Variants in ITGA9 observed in about 807,000 individuals in gnomAD.
The protein encoded by ITGA9 is integrin subunit alpha 9.
Under a neutral mutation model 127.8 loss-of-function variants are expected in ITGA9, and 56 were observed. The ratio of observed to expected loss-of-function variants is 0.44; its 90% CI spans 0.35 to 0.55. ITGA9 has a LOEUF of 0.55. Among genes scored for constraint, ITGA9 ranks in the 20% least tolerant of loss-of-function variants. The probability of loss-of-function intolerance (pLI) is 0.00; values close to 1 mark genes in which losing one functional copy is unlikely to be tolerated. For synonymous variants in ITGA9, 508 were observed against 514.5 expected (o/e 0.99, Z 0.17); for missense variants, 1,196 against 1,347.1 (o/e 0.89, Z 1.76).
At position 37,741,733 on chromosome 3, in the gene ITGA9, C is replaced by T; in HGVS notation, c.2238C>T (p.Gly746=). 1.2e-6 allele frequency: 2 copies of T among 1,613,054 alleles called. No individual in the cohort carries two copies. Among genetic ancestry groups the T allele is most frequent in the Non-Finnish European group, 1.7e-6 (2 of 1,179,464 alleles). ...VLSFIVTAQS[G]NTERSESLHD... is the part of the protein sequence containing the mutation. ...TCATTCTCCTCTCTCTGCACAGTGG[C>T]AACACGGAGCGCTCTGAATCCCTGC... is the stretch of plus-strand genomic sequence containing the variant. Residue 746 remains glycine (G), a synonymous_variant, in exon 21 of 28, where the codon GGC becomes GGT. Transcript: ENST00000264741.
At chr3:37,706,787 G>A (rs553585456) in intron 18 of ITGA9, among the ~76,000 whole-genome samples, 104 of 152,246 alleles carry the variant, frequency 6.8e-4, no homozygotes, top group Non-Finnish European at 1.1e-3. Flanking sequence ...CCCTGATCTC[G>A]GAACAGGATC....
intron 16 of ITGA9, among the ~76,000 whole-genome samples, chr3:37,637,036 C>G (rs962317271): frequency 6.6e-6 from 1 of 152,148 alleles, no homozygotes; most frequent in African/African-American, 2.4e-5. Context: ...GTTACTGTAG[C>G]CTTGTAGTAT....
intron 18 of ITGA9, among the ~76,000 whole-genome samples, chr3:37,685,470 C>T (rs1264714771): frequency 6.6e-6 from 1 of 152,132 alleles, no homozygotes; most frequent in Admixed American, 6.6e-5. Context: ...AAGAGAGAAC[C>T]AAGTATCTGT....
At chr3:37,584,316 A>G (rs572351140) in intron 15 of ITGA9, among the ~76,000 whole-genome samples, 2 of 152,342 alleles carry the variant, frequency 1.3e-5, no homozygotes, top group South Asian at 4.1e-4. Context: ...CAGAACTGGC[A>G]CTATCACTTC....
At chr3:37,504,011 C>T (rs954745625) in intron 6 of ITGA9, among the ~76,000 whole-genome samples, 2 of 152,230 alleles carry the variant, frequency 1.3e-5, no homozygotes, top group Admixed American at 6.5e-5. Context: ...TGATGACACA[C>T]AATGCTCTTT....
In ITGA9 at chr3:37,452,995, G is replaced by C. The variant is rs771686573; in HGVS notation, c.185+436G>C. 9.3e-4 allele frequency among the ~76,000 whole-genome samples: 141 copies of C among 152,298 alleles called. 1 individual carries two copies. The highest frequency in any genetic ancestry group is 1.8e-3 in the Non-Finnish European group (122 of 68,024). Reference sequence around the variant, plus strand: ...GGGCACTGGAGCTGCACCCCTCCCCGGTTTTGGGGAACCCCTGAGGAAGGA... The same window carrying C: ...GGGCACTGGAGCTGCACCCCTCCCCCGTTTTGGGGAACCCCTGAGGAAGGA... On this transcript the variant is annotated intron_variant, in intron 1 of 27. Transcript: ENST00000264741. The surrounding 1 kb of genome is among the most constrained non-coding windows in gnomAD (Gnocchi z 7.3).
intron 26 of ITGA9, among the ~76,000 whole-genome samples, chr3:37,786,376 C>T (rs1387218963): frequency 6.6e-6 from 1 of 152,022 alleles, no homozygotes; most frequent in African/African-American, 2.4e-5. Context: ...GCTGGGCAGG[C>T]GGATCATCTG....
intron 26 of ITGA9, among the ~76,000 whole-genome samples, chr3:37,800,482 C>T (rs1409924717): frequency 1.3e-5 from 2 of 152,190 alleles, no homozygotes; most frequent in African/African-American, 2.4e-5. Context: ...CCTCACAGTT[C>T]ATCTGTACAA....
chr3:37,707,500 C>T (rs796991161), intron 18 of ITGA9, among the ~76,000 whole-genome samples: 19 of 152,234 alleles, frequency 1.2e-4, no homozygotes, highest in African/African-American at 4.6e-4. Context: ...AATTGATGGC[C>T]ATTTTTTGTC....
At chr3:37,605,953 T>C (rs1699965407) in intron 15 of ITGA9, among the ~76,000 whole-genome samples, 1 of 152,156 alleles carries the variant, frequency 6.6e-6, no homozygotes, top group African/African-American at 2.4e-5. Context: ...ATAGTGTGCA[T>C]GTGTGACATG....
intron 15 of ITGA9, among the ~76,000 whole-genome samples, chr3:37,619,913 C>A (rs1179964511): frequency 1.3e-5 from 2 of 152,144 alleles, no homozygotes; most frequent in Non-Finnish European, 2.9e-5. Flanking sequence ...TCTCTTAGCT[C>A]ACTGCTCTCC....
At chr3:37,718,785 A>G (rs2844352) in intron 18 of ITGA9, among the ~76,000 whole-genome samples, 151,268 of 152,332 alleles carry the variant, frequency 0.99, 75,125 homozygotes, top group South Asian at 1. Context: ...CACATGCATT[A>G]ATTCTGCGGC....
intron 18 of ITGA9, among the ~76,000 whole-genome samples, chr3:37,689,358 G>A (rs1700810015): frequency 6.6e-6 from 1 of 152,204 alleles, no homozygotes; most frequent in African/African-American, 2.4e-5. Context: ...CCTAAATAAA[G>A]CTAACTTGAA....
chr3:37,511,520 C>T (rs1360156568), intron 8 of ITGA9, among the ~76,000 whole-genome samples: 1 of 152,104 alleles, frequency 6.6e-6, no homozygotes, highest in Non-Finnish European at 1.5e-5. Context: ...AAATAGTTCC[C>T]CTGGGGCTCA....
At chr3:37,758,137 C>G (rs1696676750) in intron 23 of ITGA9, among the ~76,000 whole-genome samples, 1 of 149,870 alleles carries the variant, frequency 6.7e-6, no homozygotes, top group African/African-American at 2.5e-5. Context: ...TCCTGGCTAA[C>G]AAGGTGAAAC....
intron 19 of ITGA9, among the ~76,000 whole-genome samples, chr3:37,735,470 G>A (rs894476097): frequency 1.3e-5 from 2 of 152,342 alleles, no homozygotes; most frequent in South Asian, 2.1e-4. Context: ...GTAGAATTCA[G>A]TGTTGCAAAT....
intron 24 of ITGA9, among the ~76,000 whole-genome samples, chr3:37,779,384 C>G (rs1046768791): frequency 4.0e-5 from 6 of 151,720 alleles, no homozygotes; most frequent in Non-Finnish European, 8.8e-5. Context: ...GGATTACAGG[C>G]GTGAGCCACT....
intron 20 of ITGA9, among the ~76,000 whole-genome samples, chr3:37,741,451 T>C (rs1696434404): frequency 6.6e-6 from 1 of 152,206 alleles, no homozygotes; most frequent in African/African-American, 2.4e-5. Context: ...TTGTCTCCTT[T>C]CCTTTGCTCT....
chr3:37,602,581 A>G (rs1456971430), intron 15 of ITGA9, among the ~76,000 whole-genome samples: 3 of 152,136 alleles, frequency 2.0e-5, no homozygotes, highest in African/African-American at 7.2e-5. Context: ...ATTAAATCAG[A>G]TATACTTTTC....
Sources: gnomAD v4.1 joint callset for allele counts (sites outside exome capture counted in the v4.1 genomes callset) on GRCh38, gnomAD v4.1.1 for gene constraint, Gnocchi (gnomAD v3.1) non-coding constraint, MANE v1.5 for transcripts, NCBI Gene and HGNC (gene_info 2026-07-23, HGNC 2026-07-21) for gene names.